PEX3: variants seen among roughly 807,000 people sequenced by gnomAD.
PEX3 encodes the protein peroxisomal biogenesis factor 3.
In PEX3, 30 loss-of-function variants were observed where a neutral mutation model predicts 55.8. The observed-to-expected ratio is 0.54, with a 90% CI of 0.40 to 0.73. The LOEUF is 0.73. Among genes scored for constraint, PEX3 ranks in the 30% least tolerant of loss-of-function variants. PEX3 has a pLI of 0.00. For missense variants in PEX3, 351 were observed against 432.8 expected (o/e 0.81, Z 1.68); for synonymous variants, 135 against 148.4 (o/e 0.91, Z 0.66).
chr6:143,485,594 A>G lies in PEX3; in HGVS notation c.1038+346A>G, dbSNP rs141300312. On this transcript the variant is annotated intron_variant, in intron 11 of 11. Transcript: ENST00000367591. The surrounding 1 kb of genome is among the most constrained non-coding windows in gnomAD (Gnocchi z 5.6). ...TGGGGCAGATCAAGGATCCTGTTCT[A>G]CACATTTTGAGGAAAACTAAAAAAA... is the stretch of plus-strand genomic sequence containing the variant. Among the ~76,000 whole-genome samples the G allele has an allele frequency of 1.6e-3, 250 of 152,258 alleles. 1 individual carries two copies. The highest frequency in any genetic ancestry group is 0.01 in the Middle Eastern group (3 of 294).
rs1780072657 is a variant in PEX3, at chr6:143,471,449, G to A, written c.523G>A (p.Gly175Ser). 1 of 1,595,568 alleles carries A rather than the reference G, an allele frequency of 6.3e-7. No individual in the cohort carries two copies. Among genetic ancestry groups the A allele is most frequent in the Non-Finnish European group, 8.6e-7 (1 of 1,163,932 alleles). The change falls in exon 6 of 12, where the codon GGC becomes AGC. Residue 175 changes from glycine to serine, a missense_variant and splice_region_variant. Gly to Ser is a moderately conservative substitution (Grantham distance 56). Transcript: ENST00000367591. The surrounding 1 kb of genome is among the most constrained non-coding windows in gnomAD (Gnocchi z 5.4). Reference protein sequence around the residue: ...LSSIQHLLGDGLTELITVIKQ... With the variant: ...LSSIQHLLGDSLTELITVIKQ... ...AAGTATTCAGCACCTACTTGGAGAT[G>A]GTAAGATTCTTATTTGTGACTTTTA...
At position 143,463,163 on chromosome 6, in the gene PEX3, T is replaced by C. The variant is rs1337021337; in HGVS notation, c.287+166T>C. On this transcript the variant is annotated intron_variant, in intron 3 of 11. Transcript: ENST00000367591. This position sits in a 1 kb window ranked among gnomAD's most constrained non-coding sequence, Gnocchi z 5.7. ...ATCATTTAACCTACATTTAATTTTG[T>C]CTATGCTCTACTTTTTTGCATAAAG... Among the ~76,000 whole-genome samples, 1 of 152,230 alleles carries C rather than the reference T, an allele frequency of 6.6e-6. No individual in the cohort carries two copies. The highest frequency in any genetic ancestry group is 1.5e-5 in the Non-Finnish European group (1 of 68,036).
chr6:143,487,438 A>G lies in PEX3; in HGVS notation c.1039-1705A>G, dbSNP rs1001232711. Among the ~76,000 whole-genome samples the G allele has an allele frequency of 2.6e-5, 4 of 152,052 alleles. No individual in the cohort carries two copies. Among genetic ancestry groups the G allele is most frequent in the Non-Finnish European group, 4.4e-5 (3 of 67,990 alleles). ...TAGTATTTCTCAGATTTGTCCATAC[A>G]CCTCACATACATATGTACACACATA... On this transcript the variant is annotated intron_variant, in intron 11 of 11. Transcript: ENST00000367591. The surrounding 1 kb of genome is among the most constrained non-coding windows in gnomAD (Gnocchi z 5.3).
intron 3 of PEX3, among the ~76,000 whole-genome samples, chr6:143,467,277 T>C (rs1780004883): frequency 6.6e-6 from 1 of 152,060 alleles, no homozygotes; most frequent in African/African-American, 2.4e-5. Flanking sequence ...AAAAACCTTT[T>C]GACTAATTTT....
At position 143,454,236 on chromosome 6, in the gene PEX3, G is replaced by C. The variant is rs1779812615; in HGVS notation, c.73+3121G>C. ...CATGTAACCTCTCAATTACTCCACT[G>C]TATACGCATGAGAGAATGAGAATGA... is the stretch of plus-strand genomic sequence containing the variant. On this transcript the variant is annotated intron_variant, in intron 1 of 11. Coordinates refer to ENST00000367591, the MANE Select transcript of PEX3 (RefSeq NM_003630.3). This position sits in a 1 kb window ranked among gnomAD's most constrained non-coding sequence, Gnocchi z 4.3. Among the ~76,000 whole-genome samples, 1 of 152,106 alleles carries C rather than the reference G, an allele frequency of 6.6e-6. No homozygotes were observed. Among genetic ancestry groups the C allele is most frequent in the Non-Finnish European group, 1.5e-5 (1 of 68,024 alleles).
Position 143,483,115 on chromosome 6 carries a change from G to GA in PEX3, c.942-2032dup, listed in dbSNP as rs2128747836. Among the ~76,000 whole-genome samples, 1 of 152,092 alleles carries GA rather than the reference G, an allele frequency of 6.6e-6. No individual in the cohort carries two copies. The highest frequency in any genetic ancestry group is 2.1e-4 in the South Asian group (1 of 4,822). On this transcript the variant is annotated intron_variant, in intron 10 of 11. Coordinates refer to ENST00000367591, the MANE Select transcript of PEX3 (RefSeq NM_003630.3). The surrounding 1 kb of genome is among the most constrained non-coding windows in gnomAD (Gnocchi z 4.3). Reference sequence around the variant, plus strand: ...TTAAGGAAGCAAACACCTAAGGAAAGAAAAATTTTCTTTCTTAGAAAATGT... The same window carrying GA: ...TTAAGGAAGCAAACACCTAAGGAAAGAAAAAATTTTCTTTCTTAGAAAATGT...
Position 143,462,783 on chromosome 6 carries a change from G to T in PEX3, c.206-133G>T. The T allele has an allele frequency of 1.4e-6, 1 of 702,898 alleles. No individual in the cohort carries two copies. 43.5% of individuals were successfully genotyped at this position (702,898 alleles called of 1,614,324 possible). On this transcript the variant is annotated intron_variant, in intron 2 of 11. Coordinates refer to ENST00000367591, the MANE Select transcript of PEX3 (RefSeq NM_003630.3). This position sits in a 1 kb window ranked among gnomAD's most constrained non-coding sequence, Gnocchi z 4.1. ...TATAATAATAATAATAATTTGAATC[G>T]TCTAGCCCTGACTTTCCCTTCTGAC...
chr6:143,451,070 A>C lies in PEX3; in HGVS notation c.28A>C (p.Lys10Gln), dbSNP rs749589402. Residue 10 changes from lysine to glutamine, a missense_variant, in exon 1 of 12, where the codon AAA (lysine) becomes CAA (glutamine). By Grantham distance (53) the Lys-to-Gln change is moderately conservative (BLOSUM62 1). Coordinates refer to ENST00000367591, the MANE Select transcript of PEX3 (RefSeq NM_003630.3). The surrounding 1 kb of genome is among the most constrained non-coding windows in gnomAD (Gnocchi z 4.1). ...GCTGAGGTCTGTATGGAATTTTCTG[A>C]AACGCCACAAAAAGAAATGCATCTT... MLRSVWNFLKRHKKKCIFLG... is the reference protein window; with the variant it reads MLRSVWNFLQRHKKKCIFLG... The C allele has an allele frequency of 1.9e-6, 3 of 1,613,854 alleles. No individual in the cohort carries two copies. The highest frequency in any genetic ancestry group is 3.3e-4 in the Middle Eastern group (2 of 6,062).
Position 143,451,628 on chromosome 6 carries a change from TAAAG to T in PEX3, c.73+517_73+520del, listed in dbSNP as rs977601368. 3.3e-5 allele frequency among the ~76,000 whole-genome samples: 5 copies of T among 152,186 alleles called. No homozygotes were observed. Among genetic ancestry groups the T allele is most frequent in the African/African-American group, 4.8e-5 (2 of 41,434 alleles). ...AAAGGACTGAAAGATATGGATTAGA[TAAAG>T]AAAAACAAATCAATATTTTAGCTCT... On this transcript the variant is annotated intron_variant, in intron 1 of 11. Transcript: ENST00000367591. The surrounding 1 kb of genome is among the most constrained non-coding windows in gnomAD (Gnocchi z 4.1).
At chr6:143,470,096 C>G (rs951482628) in intron 4 of PEX3, among the ~76,000 whole-genome samples, 3 of 152,182 alleles carry the variant, frequency 2.0e-5, no homozygotes, top group Admixed American at 6.5e-5. Context: ...TCTACAGGTG[C>G]GTGCTGCCAT....
chr6:143,456,595 C>T (rs1052825291), intron 1 of PEX3, among the ~76,000 whole-genome samples: 1 of 152,058 alleles, frequency 6.6e-6, no homozygotes, highest in East Asian at 1.9e-4. Flanking sequence ...ACCCTCTCAC[C>T]ATGGCTCATA....
chr6:143,455,476 A>C (rs1269166448), intron 1 of PEX3, among the ~76,000 whole-genome samples: 3 of 148,070 alleles, frequency 2.0e-5, no homozygotes, highest in Non-Finnish European at 4.4e-5. Flanking sequence ...CGGCCTCCCA[A>C]AGTGCTGGGA....
intron 9 of PEX3, 58 bp downstream of exon 9, chr6:143,474,914 T>C: frequency 1.1e-6 from 1 of 917,714 alleles, no homozygotes; most frequent in Non-Finnish European, 1.8e-6. Flanking sequence ...TACTTGAGAC[T>C]ATTTTTTAGT....
chr6:143,476,727 T>C lies in PEX3; in HGVS notation c.818+1871T>C, dbSNP rs1358336016. ...GGAACTGCCATTTACATTTTGGCAG[T>C]GTTAAGCATATCCAAGTGGATATGC... On this transcript the variant is annotated intron_variant, in intron 9 of 11. Transcript: ENST00000367591. The surrounding 1 kb of genome is among the most constrained non-coding windows in gnomAD (Gnocchi z 5.4). Among the ~76,000 whole-genome samples, 1 of 152,202 alleles carries C rather than the reference T, an allele frequency of 6.6e-6. No homozygotes were observed. The highest frequency in any genetic ancestry group is 2.4e-5 in the African/African-American group (1 of 41,462).
Position 143,488,506 on chromosome 6 carries a change from A to G in PEX3, c.1039-637A>G, listed in dbSNP as rs1339248679. Among the ~76,000 whole-genome samples, 1 of 152,114 alleles carries G rather than the reference A, an allele frequency of 6.6e-6. No individual in the cohort carries two copies. The highest frequency in any genetic ancestry group is 2.1e-4 in the South Asian group (1 of 4,832). On this transcript the variant is annotated intron_variant, in intron 11 of 11. Transcript: ENST00000367591. This position sits in a 1 kb window ranked among gnomAD's most constrained non-coding sequence, Gnocchi z 4.9. ...TCCACAACTGTCATATGACATGAAA[A>G]TGCCTATGATTTCTATTGAAGACAA...
chr6:143,474,965 T>A, intron 9 of PEX3, 109 bp downstream of exon 9: 1 of 611,202 alleles, frequency 1.6e-6, no homozygotes, highest in East Asian at 3.0e-5. Context: ...TATATTAAAA[T>A]TAAATTTTTG....
chr6:143,485,413 C>T lies in PEX3; in HGVS notation c.1038+165C>T, dbSNP rs557982299. 6.6e-5 allele frequency among the ~76,000 whole-genome samples: 10 copies of T among 152,082 alleles called. No homozygotes were observed. The highest frequency in any genetic ancestry group is 2.1e-4 in the South Asian group (1 of 4,806). On this transcript the variant is annotated intron_variant, in intron 11 of 11. Coordinates refer to ENST00000367591, the MANE Select transcript of PEX3 (RefSeq NM_003630.3). The surrounding 1 kb of genome is among the most constrained non-coding windows in gnomAD (Gnocchi z 5.6). Reference sequence around the variant, plus strand: ...GTAGAGTGTCCCATGAGAGTAATAACGGACCATAGCAAATGTGTAAGTTTG... The same window carrying T: ...GTAGAGTGTCCCATGAGAGTAATAATGGACCATAGCAAATGTGTAAGTTTG...
chr6:143,471,876 C>T lies in PEX3; in HGVS notation c.578+265C>T, dbSNP rs754398733. On this transcript the variant is annotated intron_variant, in intron 7 of 11. Transcript: ENST00000367591. The surrounding 1 kb of genome is among the most constrained non-coding windows in gnomAD (Gnocchi z 5.4). ...ATATTTGGGTCATGAGATAAAAGAC[C>T]TACTTTAAAATCTGCCTCTGAGGCT... Among the ~76,000 whole-genome samples, 2 of 151,916 alleles carry T rather than the reference C, an allele frequency of 1.3e-5. No homozygotes were observed. Among genetic ancestry groups the T allele is most frequent in the Non-Finnish European group, 2.9e-5 (2 of 67,954 alleles).
chr6:143,472,457 G>A, intron 8 of PEX3, 129 bp downstream of exon 8: 2 of 693,028 alleles, frequency 2.9e-6, no homozygotes, highest in East Asian at 5.4e-5. Context: ...AGTAATTGAA[G>A]TAAAACCCAT....
Sources: allele counts gnomAD v4.1 joint callset (sites outside exome capture counted in the v4.1 genomes callset), GRCh38; gene constraint gnomAD v4.1.1; non-coding constraint Gnocchi (gnomAD v3.1); transcripts MANE v1.5; gene names NCBI Gene and HGNC (gene_info 2026-07-23, HGNC 2026-07-21).